NAV1: variants seen among roughly 807,000 people sequenced by gnomAD.
The protein encoded by NAV1 is pore membrane and/or filament interacting like protein 3.
A neutral mutation model predicts 175.2 loss-of-function variants in NAV1; 18 were observed. The ratio of observed to expected loss-of-function variants is 0.10; its 90% CI spans 0.07 to 0.15. NAV1 has a LOEUF of 0.15. Ranked by LOEUF, NAV1 falls within the 10% of genes least tolerant of loss-of-function variation. The probability of loss-of-function intolerance (pLI) is 1.00; values close to 1 mark genes in which losing one functional copy is unlikely to be tolerated. For synonymous variants in NAV1, 897 were observed against 978.7 expected, an observed-to-expected ratio of 0.92 and a Z score of 1.56; for missense variants, 1,731 against 2,436.6, an observed-to-expected ratio of 0.71 and a Z score of 6.10.
intron 3 of NAV1, among the ~76,000 whole-genome samples, chr1:201,765,476 C>T (rs919290648): frequency 2.4e-4 from 36 of 148,798 alleles, no homozygotes; most frequent in African/African-American, 9.0e-4. Context: ...CTTACTGCAA[C>T]CTCTGCCTCC....
At chr1:201,742,816 C>G (rs560665084) in intron 3 of NAV1, among the ~76,000 whole-genome samples, 8 of 152,216 alleles carry the variant, frequency 5.3e-5, no homozygotes, top group African/African-American at 1.9e-4. Context: ...TTTTATGGGA[C>G]TAGGCACACA....
intron 15 of NAV1, chr1:201,798,067 G>T (rs1256572065): frequency 6.6e-6 from 1 of 152,150 alleles, no homozygotes. Flanking sequence ...TTTCCCTTCT[G>T]CAGTTTGCGT....
In NAV1 at chr1:201,792,618, C is replaced by A. The variant is rs140733556; in HGVS notation, c.3322-1174C>A. On this transcript the variant is annotated intron_variant, in intron 13 of 29. Coordinates refer to ENST00000367296, the Ensembl canonical transcript of NAV1. ...TACAAGGAGTCTACAAGCAGACATG[C>A]AGGATGTAGAGAAGCAAACCAGAGA... 8.5e-5 allele frequency: 13 copies of A among 152,306 alleles called. 2 individuals are homozygous for A. The highest frequency in any genetic ancestry group is 3.1e-4 in the African/African-American group (13 of 41,532). The allele number at this position is 152,306 out of a possible 1,614,324, so 9.4% of individuals were successfully genotyped here.
intron 3 of NAV1, among the ~76,000 whole-genome samples, chr1:201,757,061 T>C (rs749809408): frequency 6.6e-5 from 10 of 152,068 alleles, no homozygotes; most frequent in South Asian, 2.1e-4. Flanking sequence ...GCGGCACTTA[T>C]GGTTCTAGCC....
chr1:201,562,021 T>G (rs1666215510), intron 1 of NAV1, among the ~76,000 whole-genome samples: 1 of 152,174 alleles, frequency 6.6e-6, no homozygotes. Context: ...TCGGTTTTTT[T>G]AGAGACAAGG....
chr1:201,747,837 C>T (rs887402894), intron 3 of NAV1, among the ~76,000 whole-genome samples: 24 of 152,306 alleles, frequency 1.6e-4, no homozygotes, highest in African/African-American at 5.3e-4. Context: ...TCTAGATAAA[C>T]ATCCTTGTAG....
intron 3 of NAV1, among the ~76,000 whole-genome samples, chr1:201,732,090 C>T (rs895197452): frequency 2.0e-5 from 3 of 152,044 alleles, no homozygotes; most frequent in African/African-American, 7.2e-5. Flanking sequence ...AAGGCAACAG[C>T]TATACAATCT....
intron 2 of NAV1, among the ~76,000 whole-genome samples, chr1:201,636,952 C>T (rs551281452): frequency 2.6e-5 from 4 of 152,312 alleles, no homozygotes; most frequent in African/African-American, 9.6e-5. Flanking sequence ...TGAAAGGCAA[C>T]GTTCTCATCA....
At chr1:201,566,649 C>T (rs1666362709) in intron 1 of NAV1, among the ~76,000 whole-genome samples, 1 of 152,168 alleles carries the variant, frequency 6.6e-6, no homozygotes, top group South Asian at 2.1e-4. Flanking sequence ...ACAGGTGCCC[C>T]ATCCATGGTT....
At chr1:201,596,045 A>G (rs573989581) in intron 2 of NAV1, among the ~76,000 whole-genome samples, 1 of 152,332 alleles carries the variant, frequency 6.6e-6, no homozygotes, top group South Asian at 2.1e-4. Flanking sequence ...CCACGTCTTG[A>G]TTGTGTGATT....
chr1:201,614,422 G>T (rs1256417561), intron 2 of NAV1, among the ~76,000 whole-genome samples: 1 of 152,198 alleles, frequency 6.6e-6, no homozygotes, highest in Non-Finnish European at 1.5e-5. Flanking sequence ...GTGGAGAGCG[G>T]GGCCAGGAAC....
intron 3 of NAV1, among the ~76,000 whole-genome samples, chr1:201,729,377 G>T (rs1672750021): frequency 6.6e-6 from 1 of 152,226 alleles, no homozygotes; most frequent in Non-Finnish European, 1.5e-5. Context: ...AGGCACAGTG[G>T]CTCACACCTG....
chr1:201,548,166 C>T (rs1261329160), intron 1 of NAV1, among the ~76,000 whole-genome samples: 1 of 152,176 alleles, frequency 6.6e-6, no homozygotes, highest in Non-Finnish European at 1.5e-5. Context: ...GGCTCTAAGG[C>T]TGGGATTTAA....
intron 1 of NAV1, among the ~76,000 whole-genome samples, chr1:201,577,472 ATTTTTTTT>A (rs36112197): frequency 2.0e-5 from 2 of 97,912 alleles, no homozygotes; most frequent in African/African-American, 7.5e-5. Context: ...TGAGACTTAG[ATTTTTTTT>A]TTTTTTTTTT....
intron 21 of NAV1, 89 bp downstream of exon 25, chr1:201,809,350 C>G (rs1435587589): frequency 6.3e-7 from 1 of 1,587,012 alleles, no homozygotes; most frequent in Non-Finnish European, 8.6e-7. Flanking sequence ...ACCTCCAAAA[C>G]CAAAGAACTC....
chr1:201,741,217 C>T (rs993022963), intron 3 of NAV1, among the ~76,000 whole-genome samples: 2 of 152,192 alleles, frequency 1.3e-5, no homozygotes, highest in African/African-American at 4.8e-5. Flanking sequence ...CATCTTCTGC[C>T]TCCGTTCCTG....
At chr1:201,575,272 G>A (rs1387694864) in intron 1 of NAV1, among the ~76,000 whole-genome samples, 1 of 152,100 alleles carries the variant, frequency 6.6e-6, no homozygotes, top group African/African-American at 2.4e-5. Flanking sequence ...GTTCCTGGTG[G>A]ACCCCCCAAC....
At chr1:201,593,714 A>G (rs1236980636) in intron 2 of NAV1, among the ~76,000 whole-genome samples, 1 of 152,166 alleles carries the variant, frequency 6.6e-6, no homozygotes, top group Admixed American at 6.5e-5. Flanking sequence ...GCAGTTTAGC[A>G]TGTGTCTGAG....
intron 1 of NAV1, among the ~76,000 whole-genome samples, chr1:201,710,413 A>G (rs1016968620): frequency 6.6e-6 from 1 of 151,994 alleles, no homozygotes; most frequent in Admixed American, 6.6e-5. Context: ...CAGCCTCCCA[A>G]GTAGCTAGTA....
Sources: gnomAD v4.1 joint callset for allele counts (sites outside exome capture counted in the v4.1 genomes callset) on GRCh38, gnomAD v4.1.1 for gene constraint, MANE v1.5 for transcripts, NCBI Gene and HGNC (gene_info 2026-07-23, HGNC 2026-07-21) for gene names.